RBBP8: variants seen among roughly 807,000 people sequenced by gnomAD.
The protein encoded by RBBP8 is DNA endonuclease RBBP8.
In RBBP8, 88 loss-of-function variants were observed where a neutral mutation model predicts 108.3. The ratio of observed to expected loss-of-function variants is 0.81; its 90% confidence interval spans 0.68 to 0.97. The LOEUF (loss-of-function observed/expected upper bound fraction) is 0.97, where lower values mean the gene tolerates loss of function less well. Among genes scored for constraint, RBBP8 ranks in the 50% least tolerant of loss-of-function variants. The pLI, the probability that RBBP8 is intolerant of heterozygous loss-of-function variation, is 0.00. For synonymous variants in RBBP8, 332 were observed against 348.2 expected (o/e 0.95, Z 0.52); for missense variants, 1,023 against 1,049.0 (o/e 0.98, Z 0.34).
At chr18:22,962,870 G>T (rs1366411056) in intron 4 of RBBP8, among the ~76,000 whole-genome samples, 1 of 152,084 alleles carries the variant, frequency 6.6e-6, no homozygotes, top group African/African-American at 2.4e-5. Flanking sequence ...CAAAGTACTG[G>T]AGTTACAGGC....
At chr18:22,981,403 A>G (rs1272690798) in intron 6 of RBBP8, among the ~76,000 whole-genome samples, 2 of 152,240 alleles carry the variant, frequency 1.3e-5, no homozygotes, top group Non-Finnish European at 1.5e-5. Context: ...TTGGTTAACA[A>G]TGTGTTATTG....
intron 4 of RBBP8, among the ~76,000 whole-genome samples, chr18:22,954,771 A>G (rs113893504): frequency 0.019 from 2,845 of 152,220 alleles, 53 homozygotes; most frequent in East Asian, 0.082. Flanking sequence ...AAAACTTACA[A>G]TCATGGCGAA....
chr18:22,928,109 G>A (rs1909860961), intron 3 of RBBP8, among the ~76,000 whole-genome samples: 1 of 149,662 alleles, frequency 6.7e-6, no homozygotes, highest in African/African-American at 2.5e-5. Context: ...ACTGAGGCAT[G>A]AGGATTGCTT....
rs1436120317 is a variant in RBBP8 at position 23,001,722 on chromosome 18, A to G, written c.2280A>G (p.Lys760=). Reference sequence around the variant, plus strand: ...AGGAATTGTCTACTGCCACAAAGAAACTACACAGTAAGATTTTTTTCTGTT... The same window carrying G: ...AGGAATTGTCTACTGCCACAAAGAAGCTACACAGTAAGATTTTTTTCTGTT... The part of the protein sequence containing the change: ...EEEELSTATK[K]LHTHGDKQDK... The change falls in exon 15 of 19, where the codon AAA becomes AAG. Residue 760 remains lysine (K), a synonymous_variant. Transcript: ENST00000327155. 3 of 1,614,116 alleles carry G rather than the reference A, an allele frequency of 1.9e-6. No homozygotes were observed. Among genetic ancestry groups the G allele is most frequent in the Non-Finnish European group, 2.5e-6 (3 of 1,179,994 alleles).
intron 16 of RBBP8, among the ~76,000 whole-genome samples, chr18:23,009,937 T>C (rs1473533336): frequency 1.3e-5 from 2 of 152,166 alleles, no homozygotes. Flanking sequence ...AATTTTTGTA[T>C]TTTTAGTGGA....
rs1014628482 is a variant in RBBP8, at chr18:22,993,465, C to G, written c.1638C>G (p.Pro546=). 76 of 1,614,068 alleles carry G rather than the reference C, an allele frequency of 4.7e-5. No individual in the cohort carries two copies. Among genetic ancestry groups the G allele is most frequent in the Non-Finnish European group, 6.4e-5 (75 of 1,180,040 alleles). Residue 546 remains proline, a synonymous_variant, in exon 11 of 19, where the codon CCC becomes CCG. Transcript: ENST00000327155. Reference sequence around the variant, plus strand: ...CCTCAGATGGCAACTGCACGTTGCCCAAAGATTCCCCAGGGGAGCCCTGTT... The same window carrying G: ...CCTCAGATGGCAACTGCACGTTGCCGAAAGATTCCCCAGGGGAGCCCTGTT... ...RKASDGNCTL[P]KDSPGEPCSQ...
chr18:22,947,681 G>A (rs1359765651), intron 3 of RBBP8, among the ~76,000 whole-genome samples: 1 of 151,972 alleles, frequency 6.6e-6, no homozygotes, highest in African/African-American at 2.4e-5. Flanking sequence ...TGAGGTCCAG[G>A]GTAGACCTGT....
At chr18:23,000,685 G>A (rs1419177873) in intron 14 of RBBP8, among the ~76,000 whole-genome samples, 1 of 149,912 alleles carries the variant, frequency 6.7e-6, no homozygotes, top group Non-Finnish European at 1.5e-5. Flanking sequence ...AGGTTGCAGT[G>A]AGCCAATATC....
At chr18:22,947,633 A>T (rs1386093591) in intron 3 of RBBP8, among the ~76,000 whole-genome samples, 1 of 152,088 alleles carries the variant, frequency 6.6e-6, no homozygotes, top group Admixed American at 6.6e-5. Context: ...TTTAGAAATG[A>T]AGTTAGTGAT....
upstream of RBBP8, among the ~76,000 whole-genome samples, chr18:22,928,607 C>CA (rs1045722479): frequency 6.6e-6 from 1 of 151,556 alleles, no homozygotes; most frequent in African/African-American, 2.4e-5. Flanking sequence ...AGAGACTGTG[C>CA]AAGGATAAGA....
intron 8 of RBBP8, among the ~76,000 whole-genome samples, chr18:22,987,445 GTCTC>G (rs888585019): frequency 6.6e-6 from 1 of 152,004 alleles, no homozygotes; most frequent in Non-Finnish European, 1.5e-5. Flanking sequence ...TTCTATTTCT[GTCTC>G]TCTATTTATT....
At chr18:22,939,537 A>G (rs1402484573) in intron 2 of RBBP8, among the ~76,000 whole-genome samples, 1 of 152,182 alleles carries the variant, frequency 6.6e-6, no homozygotes, top group Non-Finnish European at 1.5e-5. Context: ...AAAAAAAAAA[A>G]GAACTTTCCC....
intron 18 of RBBP8, among the ~76,000 whole-genome samples, chr18:23,023,264 G>A (rs1197072060): frequency 6.6e-6 from 1 of 152,068 alleles, no homozygotes; most frequent in African/African-American, 2.4e-5. Flanking sequence ...TAAAAAGAGA[G>A]AATCTTAAAA....
At chr18:22,928,582 A>G (rs1053767694), upstream of RBBP8, among the ~76,000 whole-genome samples, 1 of 152,236 alleles carries the variant, frequency 6.6e-6, no homozygotes, top group Non-Finnish European at 1.5e-5. Context: ...AGAGGGAAAG[A>G]GCAAGGGGTA....
intron 18 of RBBP8, among the ~76,000 whole-genome samples, chr18:23,022,635 AATAAATAAAATACAAT>A (rs1428138408): frequency 3.2e-5 from 3 of 95,184 alleles, no homozygotes; most frequent in African/African-American, 5.8e-5. Context: ...AATAAAATAA[AATAAATAAAATACAAT>A]ATAAAATAAA....
chr18:23,006,464 G>T (rs779084906), intron 16 of RBBP8, 32 bp downstream of exon 16: 2 of 1,486,840 alleles, frequency 1.3e-6, no homozygotes, highest in East Asian at 2.3e-5. Flanking sequence ...CCAGCAATGT[G>T]ACTGGAAGTA....
chr18:22,963,641 C>T (rs889130905), intron 4 of RBBP8, among the ~76,000 whole-genome samples: 5 of 152,114 alleles, frequency 3.3e-5, no homozygotes, highest in African/African-American at 9.7e-5. Context: ...TTACTGCTTT[C>T]CTTTTTCATA....
At chr18:22,985,481 C>G (rs1371342202) in intron 8 of RBBP8, among the ~76,000 whole-genome samples, 1 of 152,090 alleles carries the variant, frequency 6.6e-6, no homozygotes, top group African/African-American at 2.4e-5. Context: ...GAAGGGCACC[C>G]AGGCAGAGAA....
At chr18:22,947,976 G>A (rs1911709755) in intron 3 of RBBP8, among the ~76,000 whole-genome samples, 1 of 151,992 alleles carries the variant, frequency 6.6e-6, no homozygotes, top group Non-Finnish European at 1.5e-5. Flanking sequence ...ATGAATATGG[G>A]AAAATCAGAT....
Sources: allele counts gnomAD v4.1 joint callset (sites outside exome capture counted in the v4.1 genomes callset), GRCh38; gene constraint gnomAD v4.1.1; transcripts MANE v1.5; gene names NCBI Gene and HGNC (gene_info 2026-07-23, HGNC 2026-07-21).